COMMD1: variants seen among roughly 807,000 people sequenced by gnomAD.
COMMD1 encodes copper metabolism domain containing 1.
Under a neutral mutation model 17.2 loss-of-function variants are expected in COMMD1, and 10 were observed. The observed-to-expected ratio is 0.58, with a 90% CI of 0.36 to 0.99. The LOEUF (loss-of-function observed/expected upper bound fraction) is 0.99. COMMD1 is among the 50% of genes least tolerant of loss of function. The probability of loss-of-function intolerance (pLI) is 0.01; values close to 1 mark genes in which losing one functional copy is unlikely to be tolerated. For missense variants in COMMD1, 270 were observed against 231.8 expected (o/e 1.17, Z -1.07); for synonymous variants, 97 against 91.6 (o/e 1.06, Z -0.34).
intron 1 of COMMD1, among the ~76,000 whole-genome samples, chr2:61,966,967 A>G (rs554369176): frequency 3.9e-5 from 6 of 152,188 alleles, no homozygotes; most frequent in African/African-American, 1.4e-4. Context: ...CATGAAGAGC[A>G]GTAACATTTT....
chr2:61,987,026 C>T (rs1672124280), intron 1 of COMMD1, among the ~76,000 whole-genome samples: 1 of 149,892 alleles, frequency 6.7e-6, no homozygotes, highest in Non-Finnish European at 1.5e-5. Flanking sequence ...TTTCCTTTTG[C>T]TTCTTCTTAA....
intron 2 of COMMD1, among the ~76,000 whole-genome samples, chr2:62,040,199 G>T (rs796331764): frequency 2.6e-5 from 4 of 152,238 alleles, no homozygotes; most frequent in African/African-American, 9.6e-5. Flanking sequence ...GCTGTAGTTG[G>T]CCATGATTGC....
At chr2:62,005,592 A>T (rs551603555) in intron 2 of COMMD1, among the ~76,000 whole-genome samples, 1 of 152,264 alleles carries the variant, frequency 6.6e-6, no homozygotes, top group Admixed American at 6.5e-5. Context: ...CACATGAAAA[A>T]ATGCTCATCA....
chr2:61,891,097 T>C (rs1172070726), intron 1 of COMMD1, among the ~76,000 whole-genome samples: 1 of 152,180 alleles, frequency 6.6e-6, no homozygotes, highest in East Asian at 1.9e-4. Context: ...ACTTAAATCC[T>C]TTGGGTCTCA....
chr2:61,942,540 CTTT>C (rs759905506), intron 1 of COMMD1, among the ~76,000 whole-genome samples: 1 of 112,290 alleles, frequency 8.9e-6, no homozygotes. Context: ...TGTGCCTGGC[CTTT>C]TTTTTTTTTT....
intron 1 of COMMD1, among the ~76,000 whole-genome samples, chr2:61,978,653 A>G (rs1317566077): frequency 6.6e-6 from 1 of 152,166 alleles, no homozygotes; most frequent in Non-Finnish European, 1.5e-5. Context: ...AACATGTCTC[A>G]TTCATCTGAC....
chr2:62,133,578 G>T (rs1008526859), intron 2 of COMMD1, among the ~76,000 whole-genome samples: 1 of 151,994 alleles, frequency 6.6e-6, no homozygotes, highest in Non-Finnish European at 1.5e-5. Context: ...ATCCAAAGAG[G>T]CAGTTAGACT....
intron 1 of COMMD1, among the ~76,000 whole-genome samples, chr2:61,930,617 TTGTGTGTGTGTGTGTGTG>T (rs59488185): frequency 4.8e-5 from 7 of 146,056 alleles, no homozygotes; most frequent in Non-Finnish European, 7.5e-5. Flanking sequence ...CCACAGGGTT[TTGTGTGTGTGTGTGTGTG>T]TGTGTGTGTG....
At chr2:62,078,239 CAAAAAAA>C (rs56320690) in intron 2 of COMMD1, among the ~76,000 whole-genome samples, 31 of 19,860 alleles carry the variant, frequency 1.6e-3, no homozygotes, top group African/African-American at 4.4e-3. Flanking sequence ...CACACCAATG[CAAAAAAA>C]AAAAAAAAAA....
intron 1 of COMMD1, among the ~76,000 whole-genome samples, chr2:61,892,176 A>C (rs1416282710): frequency 6.6e-6 from 1 of 151,976 alleles, no homozygotes; most frequent in Non-Finnish European, 1.5e-5. Context: ...AAACAAAACC[A>C]AACAAACAAA....
At chr2:61,965,804 G>A (rs1671490164) in intron 1 of COMMD1, among the ~76,000 whole-genome samples, 1 of 152,028 alleles carries the variant, frequency 6.6e-6, no homozygotes, top group Non-Finnish European at 1.5e-5. Flanking sequence ...CTTGTTTTAA[G>A]TTAATATTTT....
At chr2:61,910,874 C>T (rs186553182) in intron 1 of COMMD1, among the ~76,000 whole-genome samples, 89 of 151,386 alleles carry the variant, frequency 5.9e-4, no homozygotes, top group Middle Eastern at 3.5e-3. Context: ...ACCTGAAGTC[C>T]CTGGTTCAAG....
intron 2 of COMMD1, among the ~76,000 whole-genome samples, chr2:62,093,409 G>A (rs369643355): frequency 6.6e-6 from 1 of 152,064 alleles, no homozygotes; most frequent in African/African-American, 2.4e-5. Context: ...TTTTTCAGGG[G>A]CCCAATGAGT....
intron 1 of COMMD1, among the ~76,000 whole-genome samples, chr2:61,948,044 A>G (rs1670956653): frequency 6.6e-6 from 1 of 152,168 alleles, no homozygotes; most frequent in African/African-American, 2.4e-5. Context: ...TAAAGTATAC[A>G]TATAAAATAA....
chr2:62,066,941 A>G (rs12464738), intron 2 of COMMD1, among the ~76,000 whole-genome samples: 84,220 of 150,552 alleles, frequency 0.56, 25,737 homozygotes, highest in African/African-American at 0.84. Context: ...GGCCAGGCTG[A>G]TCACAAACTC....
At chr2:61,891,816 C>A (rs960722576) in intron 1 of COMMD1, among the ~76,000 whole-genome samples, 2 of 151,752 alleles carry the variant, frequency 1.3e-5, no homozygotes, top group African/African-American at 2.4e-5. Context: ...TTAAAACTTT[C>A]TGATATTTAT....
chr2:61,889,301 G>C (rs1201360849), intron 1 of COMMD1, among the ~76,000 whole-genome samples: 1 of 139,920 alleles, frequency 7.1e-6, no homozygotes, highest in Admixed American at 7.8e-5. Context: ...CGACCTCCGG[G>C]GCCCAAGCGA....
At chr2:62,109,919 C>CTTTTTTTT (rs11345736) in intron 2 of COMMD1, among the ~76,000 whole-genome samples, 6 of 73,876 alleles carry the variant, frequency 8.1e-5, no homozygotes, top group Admixed American at 1.7e-4. Flanking sequence ...TTATCTTGAT[C>CTTTTTTTT]TTTTTTTTTT....
intron 2 of COMMD1, among the ~76,000 whole-genome samples, chr2:62,113,291 A>G (rs1011447779): frequency 2.6e-5 from 4 of 152,128 alleles, no homozygotes; most frequent in African/African-American, 9.7e-5. Context: ...GATCGAGGTT[A>G]TGATGAGCTA....
Sources: allele counts gnomAD v4.1 joint callset (sites outside exome capture counted in the v4.1 genomes callset), GRCh38; gene constraint gnomAD v4.1.1; transcripts MANE v1.5; gene names NCBI Gene and HGNC (gene_info 2026-07-23, HGNC 2026-07-21).